MEP1A: variants seen among roughly 807,000 people sequenced by gnomAD.
MEP1A encodes the protein N-benzoyl-L-tyrosyl-P-amino-benzoic acid hydrolase subunit alpha.
In MEP1A, 68 loss-of-function variants were observed where a neutral mutation model predicts 84.5. That is an observed-to-expected ratio of 0.80 (90% CI 0.66 to 0.98). The LOEUF (loss-of-function observed/expected upper bound fraction) is 0.98. MEP1A is among the 50% of genes least tolerant of loss of function. The pLI is 0.00. For synonymous variants in MEP1A, 337 were observed against 336.8 expected, an observed-to-expected ratio of 1.00 and a Z score of -0.01; for missense variants, 887 against 919.9, an observed-to-expected ratio of 0.96 and a Z score of 0.46.
intron 10 of MEP1A, among the ~76,000 whole-genome samples, chr6:46,831,313 T>C (rs1768069528): frequency 6.6e-6 from 1 of 152,196 alleles, no homozygotes; most frequent in Admixed American, 6.5e-5. Context: ...TCCATATGCA[T>C]ATCTGTATAT....
At chr6:46,807,507 TGAAATAAA>T (rs1166427988) in intron 5 of MEP1A, among the ~76,000 whole-genome samples, 1 of 74,530 alleles carries the variant, frequency 1.3e-5, no homozygotes, top group Non-Finnish European at 2.6e-5. Flanking sequence ...GACCCCCATC[TGAAATAAA>T]GAAAGAAAGA....
intron 10 of MEP1A, among the ~76,000 whole-genome samples, chr6:46,829,774 A>G (rs1174329054): frequency 6.6e-6 from 1 of 152,196 alleles, no homozygotes; most frequent in Non-Finnish European, 1.5e-5. Context: ...CTGAGAAATT[A>G]GAAGCAGTAT....
chr6:46,812,864 G>A (rs1767537759), intron 6 of MEP1A, among the ~76,000 whole-genome samples: 1 of 152,004 alleles, frequency 6.6e-6, no homozygotes, highest in Non-Finnish European at 1.5e-5. Flanking sequence ...TATATTTACT[G>A]AGACTTGTTT....
At chr6:46,807,275 T>C (rs1339861752) in intron 5 of MEP1A, among the ~76,000 whole-genome samples, 1 of 151,886 alleles carries the variant, frequency 6.6e-6, no homozygotes, top group African/African-American at 2.4e-5. Flanking sequence ...CAGAACTATG[T>C]ACAACTTACT....
In MEP1A at chr6:46,839,232, G is replaced by A; in HGVS notation, c.*96G>A. ...TGCAGTTTTTATCAGCCTTGCTTTG[G>A]ATAGGACCTCCAAGGACTAAGGCCT... is the stretch of plus-strand genomic sequence containing the variant. On this transcript the variant is annotated 3_prime_UTR_variant, in exon 14 of 14. Transcript: ENST00000230588. 3.1e-6 allele frequency: 2 copies of A among 639,840 alleles called. No homozygotes were observed. Among genetic ancestry groups the A allele is most frequent in the Non-Finnish European group, 4.9e-6 (2 of 407,324 alleles). 39.6% of individuals were successfully genotyped at this position (639,840 alleles called of 1,614,324 possible).
At chr6:46,828,419 T>A (rs1027019616) in intron 9 of MEP1A, among the ~76,000 whole-genome samples, 1 of 152,152 alleles carries the variant, frequency 6.6e-6, no homozygotes, top group African/African-American at 2.4e-5. Flanking sequence ...GCTGCTGATA[T>A]GAAAGGCACG....
chr6:46,829,888 G>A (rs1469753049), intron 10 of MEP1A, among the ~76,000 whole-genome samples: 1 of 152,134 alleles, frequency 6.6e-6, no homozygotes, highest in African/African-American at 2.4e-5. Context: ...CCAAGACTGA[G>A]AAAATGGATG....
the MEP1A span, among the ~76,000 whole-genome samples, chr6:46,845,719 A>G: frequency 6.6e-6 from 1 of 152,228 alleles, no homozygotes; most frequent in Non-Finnish European, 1.5e-5. Flanking sequence ...ACTAAGAGAG[A>G]CAACAACATA....
At chr6:46,818,744 T>A (rs1184969861) in intron 6 of MEP1A, among the ~76,000 whole-genome samples, 1 of 152,160 alleles carries the variant, frequency 6.6e-6, no homozygotes, top group Non-Finnish European at 1.5e-5. Context: ...TCCGAAGACA[T>A]GGATTTTATT....
chr6:46,813,689 G>T (rs556558116), intron 6 of MEP1A, among the ~76,000 whole-genome samples: 1 of 152,080 alleles, frequency 6.6e-6, no homozygotes, highest in South Asian at 2.1e-4. Context: ...GGTATATTTT[G>T]AGGATTTGTT....
In MEP1A at chr6:46,819,669, A is replaced by T; in HGVS notation, c.521A>T (p.Asp174Val). The change falls in exon 7 of 14, where the codon GAT becomes GTT. Residue 174 changes from aspartate (D) to valine (V), a missense_variant. By Grantham distance (152) the Asp-to-Val change is radical. Coordinates refer to ENST00000230588, the MANE Select transcript of MEP1A (RefSeq NM_005588.3). Reference protein sequence around the residue: ...YHEQSRTDRDDYVNIWWDQIL... With the variant: ...YHEQSRTDRDVYVNIWWDQIL... Reference sequence around the variant, plus strand: ...GAGCAGTCAAGGACGGACCGGGATGATTATGTGAACATCTGGTGGGACCAA... The same window carrying T: ...GAGCAGTCAAGGACGGACCGGGATGTTTATGTGAACATCTGGTGGGACCAA... The T allele has an allele frequency of 6.2e-7, 1 of 1,614,018 alleles. No individual in the cohort carries two copies. Among genetic ancestry groups the T allele is most frequent in the Non-Finnish European group, 8.5e-7 (1 of 1,179,950 alleles).
Position 46,793,673 on chromosome 6 carries a change from T to G in MEP1A, c.102T>G (p.Asp34Glu). 6.2e-7 allele frequency: 1 copy of G among 1,610,758 alleles called. No individual in the cohort carries two copies. Among genetic ancestry groups the G allele is most frequent in the Non-Finnish European group, 8.5e-7 (1 of 1,177,504 alleles). Residue 34 changes from aspartate (D) to glutamate (E), a missense_variant, in exon 3 of 14, where the codon GAT becomes GAG. Transcript: ENST00000230588. ...IKYLPEENVH[D>E]ADFGEQKDIS... Reference sequence around the variant, plus strand: ...TTTTCTCACTTTTAACAGTACATGATGCAGATTTTGGTGAACAGAAGGATA... The same window carrying G: ...TTTTCTCACTTTTAACAGTACATGAGGCAGATTTTGGTGAACAGAAGGATA...
In MEP1A at chr6:46,839,172, C is replaced by G. The variant is rs139814077; in HGVS notation, c.*36C>G. ...GGCATTGGCCAGACCACAGCAGCAC[C>G]TCCTCCATGCAGGCCTTAACTTTCC... On this transcript the variant is annotated 3_prime_UTR_variant, in exon 14 of 14. Coordinates refer to ENST00000230588, the MANE Select transcript of MEP1A (RefSeq NM_005588.3). The G allele has an allele frequency of 7.5e-6, 12 of 1,590,658 alleles. No individual in the cohort carries two copies. Among genetic ancestry groups the G allele is most frequent in the African/African-American group, 1.3e-5 (1 of 74,574 alleles).
chr6:46,840,162 CTT>C (rs945817159), downstream of MEP1A, among the ~76,000 whole-genome samples: 3 of 151,996 alleles, frequency 2.0e-5, no homozygotes, highest in African/African-American at 7.3e-5. Context: ...TAAGTAGAGA[CTT>C]TATGACAATT....
At chr6:46,836,051 T>C (rs1339490665) in intron 13 of MEP1A, among the ~76,000 whole-genome samples, 2 of 152,192 alleles carry the variant, frequency 1.3e-5, no homozygotes, top group African/African-American at 4.8e-5. Flanking sequence ...CATCATGTAG[T>C]CTCCTGAGCA....
intron 5 of MEP1A, among the ~76,000 whole-genome samples, chr6:46,803,725 G>A (rs898164067): frequency 8.5e-5 from 11 of 128,772 alleles, no homozygotes; most frequent in African/African-American, 5.9e-5. Flanking sequence ...CTACAACATG[G>A]CTACTAAAGC....
At chr6:46,820,624 G>A (rs1344032607) in intron 7 of MEP1A, among the ~76,000 whole-genome samples, 1 of 152,148 alleles carries the variant, frequency 6.6e-6, no homozygotes, top group Admixed American at 6.6e-5. Flanking sequence ...CTGACCTCAG[G>A]TGATCGGCCT....
At chr6:46,819,425 T>C in intron 6 of MEP1A, 104 bp from the exon 7 acceptor site, 1 of 933,266 alleles carries the variant, frequency 1.1e-6, no homozygotes, top group Admixed American at 2.9e-5. Context: ...AATTTCTTTC[T>C]AAAATCAAGC....
intron 5 of MEP1A, among the ~76,000 whole-genome samples, chr6:46,807,747 A>AAAGG (rs58448841): frequency 0.49 from 43,259 of 88,434 alleles, 14,079 homozygotes; most frequent in South Asian, 0.59. Context: ...GGAGGGAAGG[A>AAAGG]AAGGAAGGAA....
Sources: gnomAD v4.1 joint callset for allele counts (sites outside exome capture counted in the v4.1 genomes callset) on GRCh38, gnomAD v4.1.1 for gene constraint, MANE v1.5 for transcripts, NCBI Gene and HGNC (gene_info 2026-07-23, HGNC 2026-07-21) for gene names.